Variants in ADAMTS14 observed in about 807,000 individuals in gnomAD.
ADAMTS14 encodes the protein A disintegrin and metalloproteinase with thrombospondin motifs 14.
A neutral mutation model predicts 128.6 loss-of-function variants in ADAMTS14; 100 were observed. The observed-to-expected ratio is 0.78, with a 90% CI of 0.66 to 0.92. The LOEUF (loss-of-function observed/expected upper bound fraction) is 0.92. Among genes scored for constraint, ADAMTS14 ranks in the 40% least tolerant of loss-of-function variants. The pLI is 0.00. For synonymous variants in ADAMTS14, 665 were observed against 653.8 expected (o/e 1.02, Z -0.26); for missense variants, 1,562 against 1,658.6 (o/e 0.94, Z 1.01).
At position 70,753,804 on chromosome 10, in the gene ADAMTS14, G is replaced by T. The variant is rs1387903449; in HGVS notation, c.2734G>T (p.Val912Leu). 5.1e-6 allele frequency: 8 copies of T among 1,574,636 alleles called. No homozygotes were observed. Among genetic ancestry groups the T allele is most frequent in the Non-Finnish European group, 5.2e-6 (6 of 1,159,534 alleles). ...CTCCTTTCACCCTGTTTCCAGGTGG[G>T]TGACGGAGGAGTGGGGTGCCTGCAG... ...NQHPCSQPVW[V>L]TEEWGACSRS... Residue 912 changes from valine to leucine, a missense_variant, in exon 19 of 22, where the codon GTG (valine) becomes TTG (leucine). Val to Leu is a conservative substitution (Grantham distance 32). Transcript: ENST00000373207.
intron 10 of ADAMTS14, among the ~76,000 whole-genome samples, chr10:70,737,151 G>A (rs1841852244): frequency 6.6e-6 from 1 of 152,148 alleles, no homozygotes; most frequent in Non-Finnish European, 1.5e-5. Context: ...GGAGTGATTA[G>A]CAGAGAAGGG....
chr10:70,747,945 A>AG (rs1842230582), intron 15 of ADAMTS14, among the ~76,000 whole-genome samples: 1 of 152,150 alleles, frequency 6.6e-6, no homozygotes, highest in African/African-American at 2.4e-5. Context: ...GGCCCAGGAC[A>AG]GGTGGCAGCC....
rs774098828 is a variant in ADAMTS14 at position 70,735,304 on chromosome 10, A to G, written c.1485+3A>G. ...GTGGCTACCAGACCTGCTTGGCAGT[A>G]AGTAGCCATCTGGCCTCTGCCAGGT... On this transcript the variant is annotated splice_donor_region_variant and intron_variant, in intron 9 of 21. Transcript: ENST00000373207. The G allele has an allele frequency of 4.3e-6, 7 of 1,613,470 alleles. No homozygotes were observed. The highest frequency in any genetic ancestry group is 5.9e-6 in the Non-Finnish European group (7 of 1,179,804).
intron 4 of ADAMTS14, among the ~76,000 whole-genome samples, chr10:70,720,338 C>G (rs1468096298): frequency 6.6e-6 from 1 of 152,200 alleles, no homozygotes; most frequent in Non-Finnish European, 1.5e-5. Flanking sequence ...CACTTTCCTT[C>G]CACTCCCCTG....
chr10:70,744,235 T>G (rs1217312329), intron 14 of ADAMTS14, 46 bp downstream of exon 14: 176 of 1,471,410 alleles, frequency 1.2e-4, no homozygotes, highest in Non-Finnish European at 6.2e-5. Context: ...TGACTGGAGT[T>G]CTTGCCGTCC....
At chr10:70,757,243 C>G (rs970181522) in intron 19 of ADAMTS14, among the ~76,000 whole-genome samples, 5 of 152,106 alleles carry the variant, frequency 3.3e-5, no homozygotes, top group African/African-American at 1.2e-4. Flanking sequence ...TGTGGCCACC[C>G]CCTGCAAACG....
chr10:70,674,048 C>A (rs1839564785), intron 1 of ADAMTS14, among the ~76,000 whole-genome samples: 1 of 152,148 alleles, frequency 6.6e-6, no homozygotes, highest in Non-Finnish European at 1.5e-5. Context: ...GCAGCCCCAC[C>A]TTCTCCTTGA....
At chr10:70,732,984 C>T (rs946298466) in intron 7 of ADAMTS14, among the ~76,000 whole-genome samples, 8 of 152,278 alleles carry the variant, frequency 5.3e-5, no homozygotes, top group African/African-American at 1.4e-4. Flanking sequence ...ACAGAGAAGC[C>T]CTCAAGAGGC....
In ADAMTS14 at chr10:70,672,682, A is replaced by AGGCGGCAGC. The variant is rs373452188; in HGVS notation, c.-111_-103dup. The AGGCGGCAGC allele has an allele frequency of 3.1e-6, 4 of 1,273,126 alleles. No individual in the cohort carries two copies. Among genetic ancestry groups the AGGCGGCAGC allele is most frequent in the Non-Finnish European group, 4.0e-6 (4 of 1,002,704 alleles). The allele number at this position is 1,273,126 out of a possible 1,614,324, so 78.9% of individuals were successfully genotyped here. The stretch of plus-strand genomic sequence containing the variant: ...AAGCAGCTAGGCGGGGAGGCGGCTG[A>AGGCGGCAGC]GGCGGCAGCGGCGGCAGCCAGCCGG... On this transcript the variant is annotated 5_prime_UTR_variant, in exon 1 of 22. Transcript: ENST00000373207.
rs1840524800 is a variant in ADAMTS14, at chr10:70,702,430, AG to A, written c.643del (p.Glu215SerfsTer74). On this transcript the variant is annotated frameshift_variant, in exon 3 of 22. Coordinates refer to ENST00000373207, the MANE Select transcript of ADAMTS14 (RefSeq NM_080722.4). LOFTEE classifies it high-confidence loss of function. ...GTGTACCGCCGGGAGGCCGTCCAGCAGGAGTGGGCAGAACCTGACGGGGACC... is the reference window on the plus strand; with the variant it reads ...GTGTACCGCCGGGAGGCCGTCCAGCAGAGTGGGCAGAACCTGACGGGGACC... The part of the protein sequence containing the change: ...HVVYRREAVQ[Q>X]EWAEPDGDLH... The A allele has an allele frequency of 6.2e-7, 1 of 1,613,302 alleles. No individual in the cohort carries two copies. Among genetic ancestry groups the A allele is most frequent in the Admixed American group, 1.7e-5 (1 of 59,916 alleles).
chr10:70,696,245 G>C (rs1840329274), intron 2 of ADAMTS14, among the ~76,000 whole-genome samples: 1 of 152,108 alleles, frequency 6.6e-6, no homozygotes, highest in Admixed American at 6.5e-5. Context: ...AGGTGATCCT[G>C]AGCACGGAGT....
chr10:70,734,032 G>A lies in ADAMTS14; in HGVS notation c.1352+4G>A, dbSNP rs1841740957. ...TGGAGCTCAGCCGCTACCTCCCGTA[G>A]GTCATTCCTGCCCTCAGAGCTGGGA... On this transcript the variant is annotated splice_donor_region_variant and intron_variant, in intron 8 of 21. Coordinates refer to ENST00000373207, the MANE Select transcript of ADAMTS14 (RefSeq NM_080722.4). The A allele has an allele frequency of 6.2e-7, 1 of 1,611,536 alleles. No homozygotes were observed. The highest frequency in any genetic ancestry group is 8.5e-7 in the Non-Finnish European group (1 of 1,179,736).
At position 70,678,699 on chromosome 10, in the gene ADAMTS14, G is replaced by A. The variant is rs937520334; in HGVS notation, c.522+3704G>A. ...CTCTCTTGAAGAGGCTGGGCTGGGAGTTGAGAGATAATGGCTGCGTGACTC... is the reference window on the plus strand; with the variant it reads ...CTCTCTTGAAGAGGCTGGGCTGGGAATTGAGAGATAATGGCTGCGTGACTC... On this transcript the variant is annotated intron_variant, in intron 2 of 21. Coordinates refer to ENST00000373207, the MANE Select transcript of ADAMTS14 (RefSeq NM_080722.4). 2.0e-5 allele frequency among the ~76,000 whole-genome samples: 3 copies of A among 152,280 alleles called. No individual in the cohort carries two copies. The South Asian group carries it at 6.2e-4, about 32-fold the overall frequency.
Position 70,730,373 on chromosome 10 carries a change from A to G in ADAMTS14, c.1102+124A>G, listed in dbSNP as rs1198742064. On this transcript the variant is annotated intron_variant, in intron 6 of 21. Coordinates refer to ENST00000373207, the MANE Select transcript of ADAMTS14 (RefSeq NM_080722.4). ...CCACATGGAGGTTTGAAGGGATGGG[A>G]CCTGGACAGCCGAGGATGAGCTTTG... 9 of 1,324,368 alleles carry G rather than the reference A, an allele frequency of 6.8e-6. No individual in the cohort carries two copies. The African/African-American group carries it at 1.0e-4, about 15-fold the overall frequency. The allele number at this position is 1,324,368 out of a possible 1,614,324, so 82.0% of individuals were successfully genotyped here.
At chr10:70,711,607 A>C (rs1194150110) in intron 4 of ADAMTS14, among the ~76,000 whole-genome samples, 1 of 152,204 alleles carries the variant, frequency 6.6e-6, no homozygotes, top group Non-Finnish European at 1.5e-5. Flanking sequence ...GTGGGTACTC[A>C]AGTAATGTTT....
At chr10:70,739,975 C>T (rs1841945228) in intron 11 of ADAMTS14, among the ~76,000 whole-genome samples, 1 of 152,184 alleles carries the variant, frequency 6.6e-6, no homozygotes, top group Non-Finnish European at 1.5e-5. Context: ...ATAGAAAAGC[C>T]CAGGGGTCCC....
In ADAMTS14 at chr10:70,736,000, C is replaced by T. The variant is rs115419806; in HGVS notation, c.1486-680C>T. Among the ~76,000 whole-genome samples the T allele has an allele frequency of 4.2e-3, 637 of 152,326 alleles. 3 individuals are homozygous for T. Among genetic ancestry groups the T allele is most frequent in the African/African-American group, 0.013 (554 of 41,558 alleles). On this transcript the variant is annotated intron_variant, in intron 9 of 21. Coordinates refer to ENST00000373207, the MANE Select transcript of ADAMTS14 (RefSeq NM_080722.4). ...CTCTTCACCTCCGTGGAATGGGGAGCGCCCCCAACCATGTGTGGACACCTT... is the reference window on the plus strand; with the variant it reads ...CTCTTCACCTCCGTGGAATGGGGAGTGCCCCCAACCATGTGTGGACACCTT...
intron 9 of ADAMTS14, among the ~76,000 whole-genome samples, 156 bp from the exon 10 acceptor site, chr10:70,736,524 T>G (rs1841831818): frequency 6.6e-6 from 1 of 151,896 alleles, no homozygotes; most frequent in South Asian, 2.1e-4. Flanking sequence ...GTACTTGGAG[T>G]TGAGTAAACT....
At chr10:70,742,286 C>G (rs1478157982) in intron 12 of ADAMTS14, among the ~76,000 whole-genome samples, 1 of 152,068 alleles carries the variant, frequency 6.6e-6, no homozygotes, top group Non-Finnish European at 1.5e-5. Context: ...GGAGCTCCCC[C>G]AGACCCAGGT....
Sources: gnomAD v4.1 joint callset for allele counts (sites outside exome capture counted in the v4.1 genomes callset) on GRCh38, gnomAD v4.1.1 for gene constraint, MANE v1.5 for transcripts, NCBI Gene and HGNC (gene_info 2026-07-23, HGNC 2026-07-21) for gene names.